Variants in HMCN1 observed in about 807,000 individuals in gnomAD.
HMCN1 encodes hemicentin-1.
A neutral mutation model predicts 625.9 loss-of-function variants in HMCN1; 321 were observed. That is an observed-to-expected ratio of 0.51 (90% CI 0.47 to 0.56). HMCN1 has a LOEUF of 0.56. Ranked by LOEUF, HMCN1 falls within the 20% of genes least tolerant of loss-of-function variation. The pLI is 0.00. For missense variants in HMCN1, 6,588 were observed against 6,887.3 expected (o/e 0.96, Z 1.54); for synonymous variants, 2,425 against 2,417.6 (o/e 1.00, Z -0.09).
At chr1:185,810,360 T>G (rs1172688057) in intron 1 of HMCN1, among the ~76,000 whole-genome samples, 1 of 152,116 alleles carries the variant, frequency 6.6e-6, no homozygotes, top group Non-Finnish European at 1.5e-5. Flanking sequence ...ATATAATCAA[T>G]GAATATTTTA....
At chr1:186,098,326 T>C (rs977012899) in intron 68 of HMCN1, among the ~76,000 whole-genome samples, 2 of 151,982 alleles carry the variant, frequency 1.3e-5, no homozygotes, top group African/African-American at 4.8e-5. Flanking sequence ...ATCCGATATA[T>C]GTAAAGAACT....
intron 1 of HMCN1, among the ~76,000 whole-genome samples, chr1:185,774,903 A>G (rs748506046): frequency 1.4e-4 from 21 of 152,200 alleles, no homozygotes; most frequent in Admixed American, 4.6e-4. Flanking sequence ...TTTCAGGGAT[A>G]AAGCTTAGGG....
chr1:185,859,027 GTGTGT>G (rs1270494137), intron 2 of HMCN1, among the ~76,000 whole-genome samples: 3 of 75,178 alleles, frequency 4.0e-5, no homozygotes, highest in African/African-American at 1.9e-4. Flanking sequence ...AGATGTGTGT[GTGTGT>G]GTGTGTGTGT....
At chr1:186,108,873 A>G (rs1660748252) in intron 71 of HMCN1, among the ~76,000 whole-genome samples, 1 of 152,252 alleles carries the variant, frequency 6.6e-6, no homozygotes, top group South Asian at 2.1e-4. Context: ...CCTAGCGCCC[A>G]TGCATTAAAG....
intron 15 of HMCN1, among the ~76,000 whole-genome samples, chr1:185,971,309 A>G (rs1650812928): frequency 6.6e-6 from 1 of 152,230 alleles, no homozygotes; most frequent in African/African-American, 2.4e-5. Flanking sequence ...ATAAAGTACT[A>G]CAAAAAAATG....
intron 105 of HMCN1, among the ~76,000 whole-genome samples, chr1:186,187,302 T>C (rs1378042320): frequency 6.6e-6 from 1 of 152,178 alleles, no homozygotes; most frequent in Non-Finnish European, 1.5e-5. Context: ...GCTTACATTG[T>C]AGTGCCTGGG....
intron 33 of HMCN1, 26 bp from the exon 34 acceptor site, chr1:186,018,156 CA>C (rs1315484037): frequency 1.3e-6 from 2 of 1,586,010 alleles, no homozygotes; most frequent in Non-Finnish European, 1.7e-6. Flanking sequence ...AATATTTATC[CA>C]GACTTCCTTT....
chr1:186,130,525 G>C lies in HMCN1; in HGVS notation c.13058G>C (p.Gly4353Ala). 6.2e-7 allele frequency: 1 copy of C among 1,613,350 alleles called. No homozygotes were observed. The highest frequency in any genetic ancestry group is 8.5e-7 in the Non-Finnish European group (1 of 1,179,502). Residue 4353 changes from glycine to alanine, a missense_variant, in exon 85 of 107, where the codon GGT becomes GCT. This residue lies in a region of HMCN1 where 1,954 missense variants were observed against 2,013.1 expected (regional missense o/e 0.97). Transcript: ENST00000271588. ...VYVKEPPVFK[G>A]DYPSNWIEPL... is the part of the protein sequence containing the mutation. ...TTTCCAGAACCTCCAGTCTTCAAAG[G>C]TGATTATCCTTCTAACTGGATTGAA... is the stretch of plus-strand genomic sequence containing the variant.
At chr1:186,020,089 T>C (rs1227776526) in intron 35 of HMCN1, among the ~76,000 whole-genome samples, 2 of 152,034 alleles carry the variant, frequency 1.3e-5, no homozygotes, top group East Asian at 3.9e-4. Flanking sequence ...TCTTGAAAAA[T>C]ATTTTTAAGA....
chr1:186,068,168 A>G (rs1333980648), intron 50 of HMCN1, among the ~76,000 whole-genome samples, 161 bp downstream of exon 50: 1 of 152,158 alleles, frequency 6.6e-6, no homozygotes, highest in African/African-American at 2.4e-5. Context: ...GTCCCAGTCC[A>G]TGGCTCAGGG....
At chr1:185,782,900 T>G (rs528475364) in intron 1 of HMCN1, among the ~76,000 whole-genome samples, 1 of 152,334 alleles carries the variant, frequency 6.6e-6, no homozygotes, top group East Asian at 1.9e-4. Context: ...TCTGCTTTGC[T>G]AGGTTGGGGA....
chr1:186,001,497 A>C, intron 27 of HMCN1, 69 bp downstream of exon 27: 1 of 1,597,908 alleles, frequency 6.3e-7, no homozygotes. Context: ...TCAGATGTTC[A>C]TTTCTTACTA....
intron 4 of HMCN1, among the ~76,000 whole-genome samples, chr1:185,880,822 A>G (rs925104507): frequency 3.3e-5 from 5 of 152,194 alleles, no homozygotes; most frequent in African/African-American, 9.7e-5. Context: ...GTTAGTTATA[A>G]TAACCCCCAT....
intron 53 of HMCN1, among the ~76,000 whole-genome samples, chr1:186,075,978 T>C (rs952736616): frequency 2.6e-5 from 4 of 152,196 alleles, no homozygotes; most frequent in Non-Finnish European, 5.9e-5. Context: ...AAATGTCCTA[T>C]TATTTTTGTT....
chr1:185,812,581 C>G (rs893284195), intron 1 of HMCN1, among the ~76,000 whole-genome samples: 1 of 152,046 alleles, frequency 6.6e-6, no homozygotes, highest in Non-Finnish European at 1.5e-5. Flanking sequence ...CAAAGCCCAC[C>G]TCTTATGAGG....
Position 186,136,694 on chromosome 1 carries a change from G to A in HMCN1, c.13339G>A (p.Val4447Met). The A allele has an allele frequency of 1.9e-6, 3 of 1,613,968 alleles. No individual in the cohort carries two copies. Among genetic ancestry groups the A allele is most frequent in the Non-Finnish European group, 2.5e-6 (3 of 1,179,906 alleles). ...QSPPIITLEP[V>M]ETVINAGGKI... is the part of the protein sequence containing the mutation. ...TCCTCCTATTATCACTCTTGAGCCA[G>A]TGGAAACTGTTATTAATGCTGGTGG... The change falls in exon 87 of 107, where the codon GTG becomes ATG. Residue 4447 changes from valine (V) to methionine (M), a missense_variant. This residue lies in a region of HMCN1 where 1,954 missense variants were observed against 2,013.1 expected (regional missense o/e 0.97). Coordinates refer to ENST00000271588, the MANE Select transcript of HMCN1 (RefSeq NM_031935.3).
At chr1:186,023,929 A>G (rs768147617) in intron 36 of HMCN1, among the ~76,000 whole-genome samples, 29 of 152,224 alleles carry the variant, frequency 1.9e-4, no homozygotes, top group Admixed American at 1.4e-3. Context: ...ATATTTAACA[A>G]ATAAAAGAGT....
At chr1:185,735,433 A>C (rs896573173) in intron 1 of HMCN1, among the ~76,000 whole-genome samples, 1 of 152,262 alleles carries the variant, frequency 6.6e-6, no homozygotes, top group Non-Finnish European at 1.5e-5. Flanking sequence ...TCTAGGGGCT[A>C]ACATCCAGAT....
rs1258240519 is a variant in HMCN1 at position 186,087,954 on chromosome 1, T to C, written c.9386T>C (p.Val3129Ala). ...KAEVSDTGQY[V>A]CRAINVAGRD... ...TAGGTATCTGACACAGGCCAGTATG[T>C]ATGTAGAGCTATAAATGTAGCAGGA... The change falls in exon 61 of 107, where the codon GTA becomes GCA. Residue 3129 changes from valine (V) to alanine (A), a missense_variant. Around this residue, in one of 3 missense-constraint regions of HMCN1, gnomAD observed 4,628 missense variants for 4,853.1 expected, o/e 0.95. Coordinates refer to ENST00000271588, the MANE Select transcript of HMCN1 (RefSeq NM_031935.3). The C allele has an allele frequency of 3.7e-6, 6 of 1,612,882 alleles. No individual in the cohort carries two copies. The highest frequency in any genetic ancestry group is 5.1e-6 in the Non-Finnish European group (6 of 1,179,312).
Sources: gnomAD v4.1 joint callset for allele counts (sites outside exome capture counted in the v4.1 genomes callset) on GRCh38, gnomAD v4.1.1 for gene constraint, gnomAD v4.1.1 regional missense constraint, MANE v1.5 for transcripts, NCBI Gene and HGNC (gene_info 2026-07-23, HGNC 2026-07-21) for gene names.